The following CDH13 variants were observed in gnomAD, a reference collection of about 807,000 sequenced individuals.
The protein encoded by CDH13 is cadherin 13, also known as cadherin-13.
In CDH13, 24 loss-of-function variants were observed where a neutral mutation model predicts 63.8. The observed-to-expected ratio is 0.38, with a 90% confidence interval of 0.27 to 0.53. The LOEUF (loss-of-function observed/expected upper bound fraction) is 0.53. Among genes scored for constraint, CDH13 ranks in the 20% least tolerant of loss-of-function variants. The probability of loss-of-function intolerance (pLI) is 0.85; values close to 1 mark genes in which losing one functional copy is unlikely to be tolerated. For synonymous variants in CDH13, 503 were observed against 355.3 expected (o/e 1.42, Z -4.67); for missense variants, 1,049 against 903.1 (o/e 1.16, Z -2.07).
At chr16:83,216,423 T>TAAAA (rs1447094302) in intron 4 of CDH13, among the ~76,000 whole-genome samples, 6 of 100,882 alleles carry the variant, frequency 5.9e-5, no homozygotes, top group African/African-American at 2.2e-4. Context: ...TATATATATA[T>TAAAA]ATATATATAT....
intron 1 of CDH13, among the ~76,000 whole-genome samples, chr16:82,709,635 G>A (rs924312176): frequency 2.6e-5 from 4 of 152,198 alleles, no homozygotes; most frequent in Non-Finnish European, 5.9e-5. Context: ...CAGCGACTGC[G>A]ACATAGCAAG....
intron 6 of CDH13, among the ~76,000 whole-genome samples, chr16:83,368,270 C>G (rs1417964852): frequency 8.5e-5 from 13 of 152,254 alleles, no homozygotes; most frequent in Admixed American, 7.8e-4. Context: ...TATACAAGTA[C>G]ATGTGCACAA....
At chr16:82,968,782 G>C (rs1908252542) in intron 2 of CDH13, among the ~76,000 whole-genome samples, 1 of 152,134 alleles carries the variant, frequency 6.6e-6, no homozygotes, top group South Asian at 2.1e-4. Flanking sequence ...CCCCTCAATA[G>C]GCTGTGAGCC....
intron 4 of CDH13, among the ~76,000 whole-genome samples, chr16:83,163,317 T>C (rs912514566): frequency 2.6e-5 from 4 of 152,200 alleles, no homozygotes; most frequent in Middle Eastern, 3.4e-3. Context: ...CTTTGTTCCC[T>C]ACATAGGTTC....
intron 2 of CDH13, among the ~76,000 whole-genome samples, chr16:82,985,657 T>C (rs1474639806): frequency 6.6e-6 from 1 of 152,160 alleles, no homozygotes; most frequent in Non-Finnish European, 1.5e-5. Context: ...TGGCCTCTTC[T>C]TTCTGAAATG....
intron 6 of CDH13, among the ~76,000 whole-genome samples, chr16:83,385,008 G>A (rs892125978): frequency 6.6e-6 from 1 of 152,172 alleles, no homozygotes; most frequent in Non-Finnish European, 1.5e-5. Context: ...AACAAAGATG[G>A]TTGGCAAACA....
chr16:83,459,169 A>G (rs189134264), intron 6 of CDH13, among the ~76,000 whole-genome samples: 325 of 152,358 alleles, frequency 2.1e-3, no homozygotes, highest in Admixed American at 5.2e-3. Flanking sequence ...AGAACATCTT[A>G]ATGAAAATAA....
chr16:83,496,163 A>C (rs2151578242), intron 7 of CDH13, among the ~76,000 whole-genome samples: 1 of 152,286 alleles, frequency 6.6e-6, no homozygotes, highest in African/African-American at 2.4e-5. Flanking sequence ...AAACTACTTT[A>C]AAGTAAGTAT....
chr16:83,067,994 C>A (rs1240945383), intron 3 of CDH13, among the ~76,000 whole-genome samples: 1 of 152,286 alleles, frequency 6.6e-6, no homozygotes, highest in Admixed American at 6.5e-5. Context: ...GCTACCAGAG[C>A]ATGATCAGTT....
At chr16:83,771,236 A>C (rs904574488) in intron 11 of CDH13, among the ~76,000 whole-genome samples, 4 of 152,194 alleles carry the variant, frequency 2.6e-5, no homozygotes, top group Non-Finnish European at 5.9e-5. Context: ...CCCTACACCA[A>C]GATCACAAAA....
At chr16:83,250,231 C>T (rs1247915632) in intron 5 of CDH13, among the ~76,000 whole-genome samples, 1 of 152,102 alleles carries the variant, frequency 6.6e-6, no homozygotes, top group East Asian at 1.9e-4. Flanking sequence ...CTCATTGACC[C>T]AATGAGCATT....
At chr16:83,136,476 ACT>A (rs1377885580) in intron 4 of CDH13, among the ~76,000 whole-genome samples, 6 of 140,368 alleles carry the variant, frequency 4.3e-5, no homozygotes, top group Non-Finnish European at 7.5e-5. Flanking sequence ...ACAGAGCGGG[ACT>A]CTGTCTCCAA....
chr16:83,171,568 A>T lies in CDH13; in HGVS notation c.484-45777A>T. 2.6e-6 allele frequency: 4 copies of T among 1,533,262 alleles called. No individual in the cohort carries two copies. In the South Asian group the frequency reaches 3.6e-5, roughly 14 times the overall value. The allele number at this position is 1,533,262 out of a possible 1,614,324, so 95.0% of individuals were successfully genotyped here. On this transcript the variant is annotated intron_variant, in intron 4 of 13. Coordinates refer to ENST00000567109, the MANE Select transcript of CDH13 (RefSeq NM_001257.5). Reference sequence around the variant, plus strand: ...TGCCTAGCACGATGGCTGACATGAGATAAGTGCACAGGAAATTTTGAAATA... The same window carrying T: ...TGCCTAGCACGATGGCTGACATGAGTTAAGTGCACAGGAAATTTTGAAATA...
At chr16:82,717,328 C>G (rs575620284) in intron 1 of CDH13, among the ~76,000 whole-genome samples, 2 of 151,620 alleles carry the variant, frequency 1.3e-5, no homozygotes, top group Non-Finnish European at 2.9e-5. Context: ...CCTAGCTACT[C>G]CAGAGGCTGA....
intron 1 of CDH13, among the ~76,000 whole-genome samples, chr16:82,782,983 C>T (rs2035836505): frequency 6.6e-6 from 1 of 152,226 alleles, no homozygotes; most frequent in Admixed American, 6.5e-5. Flanking sequence ...TTCCCAGGTG[C>T]TGTGAACCCA....
chr16:82,930,452 A>T (rs779138450), intron 2 of CDH13, among the ~76,000 whole-genome samples: 7 of 116,998 alleles, frequency 6.0e-5, no homozygotes, highest in African/African-American at 1.0e-4. Context: ...TATGGATTAT[A>T]TGGGAATGTT....
At chr16:82,840,227 T>C (rs866971175) in intron 1 of CDH13, among the ~76,000 whole-genome samples, 3 of 151,986 alleles carry the variant, frequency 2.0e-5, no homozygotes, top group African/African-American at 7.2e-5. Context: ...GTTTAGCAGG[T>C]TAGAGAAGAG....
intron 7 of CDH13, among the ~76,000 whole-genome samples, chr16:83,577,104 G>A (rs1598318080): frequency 6.6e-6 from 1 of 152,204 alleles, no homozygotes; most frequent in Admixed American, 6.5e-5. Context: ...ATACCTGGGG[G>A]TCAGGAATCA....
intron 6 of CDH13, among the ~76,000 whole-genome samples, chr16:83,361,695 ATTGCTTAT>A (rs374864393): frequency 2.6e-5 from 4 of 152,100 alleles, no homozygotes; most frequent in African/African-American, 9.6e-5. Flanking sequence ...TCCTTTTCCC[ATTGCTTAT>A]TTGTATCGGC....
Sources: gnomAD v4.1 joint callset for allele counts (sites outside exome capture counted in the v4.1 genomes callset) on GRCh38, gnomAD v4.1.1 for gene constraint, MANE v1.5 for transcripts, NCBI Gene and HGNC (gene_info 2026-07-23, HGNC 2026-07-21) for gene names.